TENM3: variants seen among roughly 807,000 people sequenced by gnomAD.
TENM3 encodes teneurin transmembrane protein 3, also known as teneurin-3.
TENM3 carries 63 observed loss-of-function variants against 255.1 expected under a neutral mutation model. That is an observed-to-expected ratio of 0.25 (90% CI 0.20 to 0.30). TENM3 has a LOEUF of 0.30. TENM3 is among the 10% of genes least tolerant of loss of function. The pLI, the probability that TENM3 is intolerant of heterozygous loss-of-function variation, is 1.00. For synonymous variants in TENM3, 1,306 were observed against 1,322.3 expected (o/e 0.99, Z 0.27); for missense variants, 2,929 against 3,461.1 (o/e 0.85, Z 3.86).
At chr4:181,765,441 G>C in the TENM3 span, among the ~76,000 whole-genome samples, 1 of 152,134 alleles carries the variant, frequency 6.6e-6, no homozygotes, top group South Asian at 2.1e-4. Flanking sequence ...TGATATTAAT[G>C]ATTACTGCAA....
chr4:182,661,427 C>T (rs1754220076), intron 6 of TENM3, among the ~76,000 whole-genome samples: 1 of 151,950 alleles, frequency 6.6e-6, no homozygotes, highest in Admixed American at 6.6e-5. Context: ...GTTGCAGATT[C>T]CCTGTGAATT....
the TENM3 span, among the ~76,000 whole-genome samples, chr4:181,514,950 A>G: frequency 1.3e-4 from 20 of 152,202 alleles, no homozygotes; most frequent in Non-Finnish European, 2.8e-4. Flanking sequence ...TTTATATGTC[A>G]GGTAACTGAC....
the TENM3 span, among the ~76,000 whole-genome samples, chr4:181,658,703 T>G: frequency 6.6e-6 from 1 of 152,226 alleles, no homozygotes; most frequent in Non-Finnish European, 1.5e-5. Flanking sequence ...ACCTAGCACC[T>G]CACCTTCATT....
chr4:181,463,383 C>T, the TENM3 span, among the ~76,000 whole-genome samples: 1 of 152,164 alleles, frequency 6.6e-6, no homozygotes, highest in African/African-American at 2.4e-5. Flanking sequence ...ATAGTCTATG[C>T]ATTTCCCATT....
At chr4:181,953,260 ACC>A in the TENM3 span, among the ~76,000 whole-genome samples, 1 of 72,028 alleles carries the variant, frequency 1.4e-5, no homozygotes, top group East Asian at 4.0e-4. Context: ...GATGGCCACC[ACC>A]ACCACCACCA....
chr4:182,074,469 T>G, the TENM3 span, among the ~76,000 whole-genome samples: 3 of 152,326 alleles, frequency 2.0e-5, no homozygotes, highest in East Asian at 5.8e-4. Context: ...GTGGAAGGAA[T>G]TTAAAGTCTT....
At chr4:182,220,026 T>A (rs1755750997) in intron 1 of TENM3, among the ~76,000 whole-genome samples, 1 of 152,112 alleles carries the variant, frequency 6.6e-6, no homozygotes, top group Non-Finnish European at 1.5e-5. Flanking sequence ...AAAGAAGAAC[T>A]CAAAATGCAT....
chr4:181,568,957 AG>A, the TENM3 span, among the ~76,000 whole-genome samples: 1 of 152,238 alleles, frequency 6.6e-6, no homozygotes, highest in Non-Finnish European at 1.5e-5. Flanking sequence ...GTATCCCAAA[AG>A]CCTAGAACAG....
the TENM3 span, among the ~76,000 whole-genome samples, chr4:181,612,489 G>GGTGTGTGTGTGT: frequency 2.1e-5 from 2 of 95,096 alleles, no homozygotes; most frequent in South Asian, 7.0e-4. Context: ...CTTTGGTTAA[G>GGTGTGTGTGTGT]ATGTGTGTGT....
the TENM3 span, among the ~76,000 whole-genome samples, chr4:181,492,158 T>C: frequency 6.6e-6 from 1 of 152,216 alleles, no homozygotes; most frequent in Non-Finnish European, 1.5e-5. Flanking sequence ...CCAATAGGTT[T>C]GTGCATTTAT....
the TENM3 span, among the ~76,000 whole-genome samples, chr4:182,077,318 A>T: frequency 2.6e-5 from 4 of 152,136 alleles, no homozygotes; most frequent in Non-Finnish European, 4.4e-5. Context: ...TTTTCTTGGG[A>T]TTGCTAAAAT....
At chr4:182,483,584 G>T (rs1257238143) in intron 3 of TENM3, among the ~76,000 whole-genome samples, 1 of 152,134 alleles carries the variant, frequency 6.6e-6, no homozygotes, top group Non-Finnish European at 1.5e-5. Flanking sequence ...CAACAATGAG[G>T]TATGTCTAGG....
chr4:181,740,405 T>G, the TENM3 span, among the ~76,000 whole-genome samples: 5 of 152,298 alleles, frequency 3.3e-5, no homozygotes, highest in Non-Finnish European at 7.3e-5. Context: ...TGAATATATA[T>G]GTGTTATTCA....
At chr4:181,656,605 A>T in the TENM3 span, among the ~76,000 whole-genome samples, 1 of 152,168 alleles carries the variant, frequency 6.6e-6, no homozygotes, top group Non-Finnish European at 1.5e-5. Flanking sequence ...GCAGTTTAAA[A>T]TATAGGCCTA....
chr4:181,575,564 C>G, the TENM3 span, among the ~76,000 whole-genome samples: 1 of 152,144 alleles, frequency 6.6e-6, no homozygotes, highest in South Asian at 2.1e-4. Context: ...CTCAACTATG[C>G]TTTTTCTTGC....
At chr4:182,052,619 C>A in the TENM3 span, among the ~76,000 whole-genome samples, 1 of 152,252 alleles carries the variant, frequency 6.6e-6, no homozygotes, top group South Asian at 2.1e-4. Context: ...CGGAGCTCTG[C>A]ATTTGCCTAA....
the TENM3 span, among the ~76,000 whole-genome samples, chr4:182,083,845 G>C: frequency 1.3e-5 from 2 of 152,066 alleles, no homozygotes; most frequent in Non-Finnish European, 2.9e-5. Flanking sequence ...ACTGAGGTTT[G>C]CCACAAATTA....
At chr4:182,531,687 C>G (rs1739792475) in intron 3 of TENM3, among the ~76,000 whole-genome samples, 2 of 152,158 alleles carry the variant, frequency 1.3e-5, no homozygotes, top group South Asian at 4.1e-4. Flanking sequence ...CAGTCCATTC[C>G]TGTGGCAGTG....
the TENM3 span, among the ~76,000 whole-genome samples, chr4:182,025,067 T>C: frequency 4.0e-5 from 6 of 148,776 alleles, no homozygotes; most frequent in Non-Finnish European, 8.9e-5. Flanking sequence ...CTTGCTTTGT[T>C]GCCCAGGCTG....
Sources: gnomAD v4.1 joint callset for allele counts (sites outside exome capture counted in the v4.1 genomes callset) on GRCh38, gnomAD v4.1.1 for gene constraint, MANE v1.5 for transcripts, NCBI Gene and HGNC (gene_info 2026-07-23, HGNC 2026-07-21) for gene names.